Variants in WWOX observed in about 807,000 individuals in gnomAD.
WWOX encodes WW domain-containing oxidoreductase.
WWOX carries 69 observed loss-of-function variants against 46.2 expected under a neutral mutation model. The ratio of observed to expected loss-of-function variants is 1.49; its 90% CI spans 1.23 to 1.82. The LOEUF (loss-of-function observed/expected upper bound fraction) is 1.82. WWOX is among the 40% of genes most tolerant of loss of function. WWOX has a pLI of 0.00. For missense variants in WWOX, 919 were observed against 542.6 expected, an observed-to-expected ratio of 1.69 and a Z score of -6.89; for synonymous variants, 359 against 202.6, an observed-to-expected ratio of 1.77 and a Z score of -6.56.
intron 5 of WWOX, among the ~76,000 whole-genome samples, chr16:78,361,804 G>T (rs1228166906): frequency 1.3e-5 from 2 of 151,950 alleles, no homozygotes; most frequent in African/African-American, 2.4e-5. Context: ...TAGAGATGGG[G>T]TTTCACCACT....
At chr16:79,119,622 A>G (rs1001412873) in intron 8 of WWOX, among the ~76,000 whole-genome samples, 2 of 152,252 alleles carry the variant, frequency 1.3e-5, no homozygotes, top group African/African-American at 4.8e-5. Context: ...ATAATGTGCC[A>G]GCGGCACACA....
chr16:78,440,873 C>A (rs1158544023), intron 8 of WWOX, among the ~76,000 whole-genome samples: 1 of 152,170 alleles, frequency 6.6e-6, no homozygotes, highest in Non-Finnish European at 1.5e-5. Flanking sequence ...CCTGCCTTGG[C>A]CTTCCAAAGT....
chr16:78,859,035 T>A (rs1285064734), intron 8 of WWOX, among the ~76,000 whole-genome samples: 5 of 21,876 alleles, frequency 2.3e-4, no homozygotes, highest in African/African-American at 5.9e-4. Flanking sequence ...AAAATATATA[T>A]ATATATATAT....
intron 5 of WWOX, among the ~76,000 whole-genome samples, chr16:78,308,581 C>G (rs185103800): frequency 3.3e-5 from 5 of 152,142 alleles, no homozygotes; most frequent in African/African-American, 1.2e-4. Flanking sequence ...TGGTATATTT[C>G]GAAATGGCCC....
intron 8 of WWOX, among the ~76,000 whole-genome samples, chr16:78,924,239 G>C (rs567343428): frequency 6.6e-6 from 1 of 152,262 alleles, no homozygotes; most frequent in African/African-American, 2.4e-5. Context: ...ATTCATAGAC[G>C]TCTTGGAAAA....
chr16:78,141,881 G>C (rs2034001014), intron 4 of WWOX, among the ~76,000 whole-genome samples: 1 of 151,982 alleles, frequency 6.6e-6, no homozygotes, highest in Non-Finnish European at 1.5e-5. Flanking sequence ...TTCAGTTACT[G>C]ACAGCCTGTC....
chr16:78,873,754 A>G (rs1234083754), intron 8 of WWOX, among the ~76,000 whole-genome samples: 2 of 152,116 alleles, frequency 1.3e-5, no homozygotes, highest in Non-Finnish European at 1.5e-5. Flanking sequence ...GTACCACTGT[A>G]CTCCAGCCTG....
At chr16:78,464,784 T>C (rs2151427285) in intron 8 of WWOX, among the ~76,000 whole-genome samples, 1 of 152,242 alleles carries the variant, frequency 6.6e-6, no homozygotes, top group South Asian at 2.1e-4. Flanking sequence ...ACTGCAACTC[T>C]CTGTTCTGAC....
At chr16:78,481,910 A>G (rs550219995) in intron 8 of WWOX, among the ~76,000 whole-genome samples, 1 of 152,252 alleles carries the variant, frequency 6.6e-6, no homozygotes, top group East Asian at 1.9e-4. Context: ...CTGCAGAGAG[A>G]GAACCTTTCC....
At chr16:78,536,110 A>G (rs1218755456) in intron 8 of WWOX, among the ~76,000 whole-genome samples, 1 of 152,144 alleles carries the variant, frequency 6.6e-6, no homozygotes, top group African/African-American at 2.4e-5. Context: ...GTAAGCATTC[A>G]TTAAGTGTTC....
intron 8 of WWOX, among the ~76,000 whole-genome samples, chr16:79,127,467 T>A (rs557177635): frequency 6.6e-6 from 1 of 152,324 alleles, no homozygotes. Flanking sequence ...AACTGCTGAG[T>A]ATTACACTGT....
At chr16:79,159,433 G>C (rs2050442846) in intron 8 of WWOX, among the ~76,000 whole-genome samples, 1 of 152,212 alleles carries the variant, frequency 6.6e-6, no homozygotes, top group Non-Finnish European at 1.5e-5. Flanking sequence ...GGGTCAGAAA[G>C]GGAAGCTCCT....
intron 5 of WWOX, among the ~76,000 whole-genome samples, chr16:78,354,009 C>G (rs1419226973): frequency 6.6e-6 from 1 of 152,220 alleles, no homozygotes; most frequent in Non-Finnish European, 1.5e-5. Flanking sequence ...AGACAATAAA[C>G]TTTATTTTCT....
chr16:78,753,701 C>T (rs2142459640), intron 8 of WWOX, among the ~76,000 whole-genome samples: 1 of 148,756 alleles, frequency 6.7e-6, no homozygotes, highest in South Asian at 2.2e-4. Flanking sequence ...ACTCAGGAGG[C>T]TGAGGTGGGA....
chr16:78,367,261 G>T (rs1165470900), intron 5 of WWOX, among the ~76,000 whole-genome samples: 1 of 152,100 alleles, frequency 6.6e-6, no homozygotes, highest in African/African-American at 2.4e-5. Context: ...TTACAGGCGT[G>T]AGCCACCGCA....
chr16:79,095,562 G>A (rs773228722), intron 8 of WWOX, among the ~76,000 whole-genome samples: 5 of 152,128 alleles, frequency 3.3e-5, no homozygotes, highest in Non-Finnish European at 7.3e-5. Context: ...AGCTGACATT[G>A]CATAAATAAT....
chr16:79,149,774 C>T (rs938338001), intron 8 of WWOX, among the ~76,000 whole-genome samples: 3 of 152,210 alleles, frequency 2.0e-5, no homozygotes, highest in Non-Finnish European at 4.4e-5. Flanking sequence ...AAGTTCTGGC[C>T]TCACGTTGCT....
intron 5 of WWOX, among the ~76,000 whole-genome samples, chr16:78,289,248 G>A (rs552745966): frequency 4.6e-5 from 7 of 152,250 alleles, no homozygotes; most frequent in East Asian, 3.9e-4. Context: ...TTTTTAAGGC[G>A]TTTTTAGTGA....
In WWOX at chr16:79,212,284, AG is replaced by A. The variant is rs1448166143; in HGVS notation, c.*489del. 4.4e-6 allele frequency: 5 copies of A among 1,134,118 alleles called. No homozygotes were observed. In the East Asian group the frequency reaches 1.0e-4, roughly 24 times the overall value. The allele number at this position is 1,134,118 out of a possible 1,614,324, so 70.3% of individuals were successfully genotyped here. On this transcript the variant is annotated 3_prime_UTR_variant, in exon 9 of 9. Coordinates refer to ENST00000566780, the MANE Select transcript of WWOX (RefSeq NM_016373.4). ...GTTTCATTCATCCTGACCAAGACTG[AG>A]CCAGCTTAGCAACTGCTGGGGAGAC...
Sources: allele counts gnomAD v4.1 joint callset (sites outside exome capture counted in the v4.1 genomes callset), GRCh38; gene constraint gnomAD v4.1.1; transcripts MANE v1.5; gene names NCBI Gene and HGNC (gene_info 2026-07-23, HGNC 2026-07-21).